Variants in PRKG1 observed in about 807,000 individuals in gnomAD.
PRKG1 encodes protein kinase cGMP-dependent 1.
A neutral mutation model predicts 88.1 loss-of-function variants in PRKG1; 35 were observed. That is an observed-to-expected ratio of 0.40 (90% confidence interval 0.30 to 0.53). PRKG1 has a LOEUF of 0.53. Ranked by LOEUF, PRKG1 falls within the 20% of genes least tolerant of loss-of-function variation. The pLI, the probability that PRKG1 is intolerant of heterozygous loss-of-function variation, is 0.59. For missense variants in PRKG1, 540 were observed against 839.8 expected, an observed-to-expected ratio of 0.64 and a Z score of 4.41; for synonymous variants, 303 against 292.5, an observed-to-expected ratio of 1.04 and a Z score of -0.37.
intron 3 of PRKG1, among the ~76,000 whole-genome samples, chr10:51,711,672 A>C (rs1032194619): frequency 6.6e-6 from 1 of 152,030 alleles, no homozygotes; most frequent in Non-Finnish European, 1.5e-5. Context: ...TTTTTTGTCT[A>C]CTTCCTTTGG....
chr10:51,115,771 G>A lies in PRKG1; in HGVS notation c.312-37393G>A, dbSNP rs147492258. On this transcript the variant is annotated intron_variant, in intron 1 of 17. Transcript: ENST00000373980. ...AGAATTACTTGAACCTGGAGGTGGAGTCTGTGGTGAGCTGAGATTGTGCCA... is the reference window on the plus strand; with the variant it reads ...AGAATTACTTGAACCTGGAGGTGGAATCTGTGGTGAGCTGAGATTGTGCCA... 6.8e-4 allele frequency among the ~76,000 whole-genome samples: 103 copies of A among 150,368 alleles called. No individual in the cohort carries two copies. The East Asian group carries it at 0.016, about 24-fold the overall frequency.
intron 3 of PRKG1, among the ~76,000 whole-genome samples, chr10:51,560,106 C>T (rs1472432928): frequency 6.6e-6 from 1 of 152,062 alleles, no homozygotes; most frequent in East Asian, 1.9e-4. Flanking sequence ...CTCCCAGAGC[C>T]TTCCATATTA....
chr10:52,282,109 TA>T (rs776815354), intron 13 of PRKG1, 43 bp from the exon 14 acceptor site: 139 of 1,486,348 alleles, frequency 9.4e-5, no homozygotes, highest in Admixed American at 4.9e-4. Context: ...CTTTAAAACT[TA>T]ATCATAAGGA....
At chr10:51,381,737 G>T (rs1837111243) in intron 2 of PRKG1, among the ~76,000 whole-genome samples, 1 of 152,142 alleles carries the variant, frequency 6.6e-6, no homozygotes, top group Admixed American at 6.5e-5. Context: ...AAGACAATTT[G>T]GCTTGTGCTT....
chr10:51,765,560 G>T lies in PRKG1; in HGVS notation c.593-39025G>T, dbSNP rs369276736. Among the ~76,000 whole-genome samples the T allele has an allele frequency of 2.6e-5, 4 of 152,120 alleles. No homozygotes were observed. In the East Asian group the frequency reaches 7.7e-4, roughly 29 times the overall value. On this transcript the variant is annotated intron_variant, in intron 3 of 17. Transcript: ENST00000373980. ...TCCTGTCCAGAGTTGAATTCCTAGT[G>T]CTTGGCACTGAGCCTGGTACACAGG...
At chr10:51,483,611 G>C (rs1220969162) in intron 3 of PRKG1, among the ~76,000 whole-genome samples, 1 of 152,068 alleles carries the variant, frequency 6.6e-6, no homozygotes, top group Admixed American at 6.6e-5. Context: ...CAGGATACTT[G>C]TATTGAACCT....
intron 3 of PRKG1, among the ~76,000 whole-genome samples, chr10:51,612,981 A>G: frequency 6.6e-6 from 1 of 151,826 alleles, no homozygotes; most frequent in Non-Finnish European, 1.5e-5. Flanking sequence ...CTTGATCATG[A>G]CGTATTATCT....
intron 7 of PRKG1, among the ~76,000 whole-genome samples, chr10:52,103,369 C>T (rs1847340528): frequency 6.6e-6 from 1 of 152,062 alleles, no homozygotes; most frequent in African/African-American, 2.4e-5. Context: ...CCTCTTCTAG[C>T]TCTGCCACCC....
rs139253684 is a variant in PRKG1, at chr10:51,926,381, G to A, written c.762+18811G>A. Among the ~76,000 whole-genome samples the A allele has an allele frequency of 1.5e-4, 23 of 152,252 alleles. No individual in the cohort carries two copies. In the East Asian group the frequency reaches 3.7e-3, roughly 24 times the overall value. ...AGCCTCTGTAGATATTTGACCCGTA[G>A]CAGAATTGATTCAGCAAGCTTTGTC... On this transcript the variant is annotated intron_variant, in intron 5 of 17. Coordinates refer to ENST00000373980, the MANE Select transcript of PRKG1 (RefSeq NM_006258.4).
chr10:52,131,176 G>A (rs1397655619), intron 7 of PRKG1, among the ~76,000 whole-genome samples: 1 of 152,104 alleles, frequency 6.6e-6, no homozygotes, highest in Non-Finnish European at 1.5e-5. Flanking sequence ...TGCCATAACT[G>A]CTTTAAACAC....
At chr10:51,017,481 TG>T (rs1843082480) in intron 1 of PRKG1, among the ~76,000 whole-genome samples, 1 of 152,216 alleles carries the variant, frequency 6.6e-6, no homozygotes, top group Non-Finnish European at 1.5e-5. Context: ...AGATAATGTA[TG>T]TGAAAGTGCT....
chr10:51,156,411 C>T (rs1386930033), intron 2 of PRKG1, among the ~76,000 whole-genome samples: 1 of 151,706 alleles, frequency 6.6e-6, no homozygotes, highest in Non-Finnish European at 1.5e-5. Flanking sequence ...CCCATTGCTT[C>T]ACGATAATTT....
intron 2 of PRKG1, among the ~76,000 whole-genome samples, chr10:51,375,122 A>C (rs894753958): frequency 6.6e-6 from 1 of 152,228 alleles, no homozygotes; most frequent in African/African-American, 2.4e-5. Flanking sequence ...ACATTGGAAG[A>C]GAGGGAATTA....
chr10:52,033,480 G>A (rs775068479), intron 5 of PRKG1, among the ~76,000 whole-genome samples: 9 of 152,042 alleles, frequency 5.9e-5, no homozygotes, highest in Non-Finnish European at 1.2e-4. Flanking sequence ...ATTGCTAAGC[G>A]AGCTATTTTT....
upstream of PRKG1, among the ~76,000 whole-genome samples, chr10:51,070,565 G>A (rs1027789372): frequency 7.2e-5 from 11 of 152,150 alleles, no homozygotes; most frequent in Non-Finnish European, 8.8e-5. Flanking sequence ...AGTGTCAGTG[G>A]AATGGATAAG....
intron 3 of PRKG1, among the ~76,000 whole-genome samples, chr10:51,771,119 A>G (rs1398473030): frequency 6.6e-6 from 1 of 152,222 alleles, no homozygotes; most frequent in Non-Finnish European, 1.5e-5. Context: ...TTGGTGCAAA[A>G]GCAGTTGCGA....
At chr10:52,088,937 TAAAC>T (rs1402579108) in intron 7 of PRKG1, among the ~76,000 whole-genome samples, 2 of 152,196 alleles carry the variant, frequency 1.3e-5, no homozygotes, top group Non-Finnish European at 2.9e-5. Context: ...TCATATTACA[TAAAC>T]AAAGGGTGTA....
At chr10:51,301,977 G>A (rs188505215) in intron 2 of PRKG1, among the ~76,000 whole-genome samples, 101 of 152,266 alleles carry the variant, frequency 6.6e-4, no homozygotes, top group African/African-American at 2.3e-3. Flanking sequence ...CTTCTAAGAC[G>A]TGACCTTAAC....
chr10:52,296,084 C>T lies in PRKG1; in HGVS notation c.*2184C>T, dbSNP rs982731075. On this transcript the variant is annotated 3_prime_UTR_variant, in exon 18 of 18. Coordinates refer to ENST00000373980, the MANE Select transcript of PRKG1 (RefSeq NM_006258.4). ...TAATTCCAATATTATAGTGAATGTT[C>T]AGTAACTTTTGTTGAAAGATAATGT... The T allele has an allele frequency of 1.3e-5, 2 of 151,942 alleles. No individual in the cohort carries two copies. Among genetic ancestry groups the T allele is most frequent in the Admixed American group, 6.6e-5 (1 of 15,232 alleles). The allele number at this position is 151,942 out of a possible 1,614,324, so 9.4% of individuals were successfully genotyped here.
Sources: gnomAD v4.1 joint callset for allele counts (sites outside exome capture counted in the v4.1 genomes callset) on GRCh38, gnomAD v4.1.1 for gene constraint, MANE v1.5 for transcripts, NCBI Gene and HGNC (gene_info 2026-07-23, HGNC 2026-07-21) for gene names.